Variants in ABCC1 observed in about 807,000 individuals in gnomAD.
The protein encoded by ABCC1 is multidrug resistance-associated protein 1.
In ABCC1, 83 loss-of-function variants were observed where a neutral mutation model predicts 172.9. The observed-to-expected ratio is 0.48, with a 90% CI of 0.40 to 0.58. The LOEUF is 0.58. Ranked by LOEUF, ABCC1 falls within the 20% of genes least tolerant of loss-of-function variation. The probability of loss-of-function intolerance (pLI) is 0.00; values close to 1 mark genes in which losing one functional copy is unlikely to be tolerated. For missense variants in ABCC1, 1,817 were observed against 2,002.7 expected, an observed-to-expected ratio of 0.91 and a Z score of 1.77; for synonymous variants, 937 against 825.2, an observed-to-expected ratio of 1.14 and a Z score of -2.32.
chr16:16,022,938 G>A (rs1192394061), intron 5 of ABCC1, among the ~76,000 whole-genome samples: 1 of 152,074 alleles, frequency 6.6e-6, no homozygotes, highest in Non-Finnish European at 1.5e-5. Flanking sequence ...TTGAGATAGG[G>A]TCTCACTCTG....
At chr16:16,016,767 T>G in intron 5 of ABCC1, 146 bp downstream of exon 5, 1 of 1,259,830 alleles carries the variant, frequency 7.9e-7, no homozygotes, top group Non-Finnish European at 1.1e-6. Context: ...CCCACCTACT[T>G]TACAGATGGA....
At chr16:16,128,352 T>C (rs2045530755) in intron 26 of ABCC1, among the ~76,000 whole-genome samples, 1 of 151,860 alleles carries the variant, frequency 6.6e-6, no homozygotes, top group African/African-American at 2.4e-5. Context: ...GATTTCACCA[T>C]GTTGGCCCGG....
At chr16:16,126,438 C>T (rs1306754881) in intron 26 of ABCC1, among the ~76,000 whole-genome samples, 1 of 152,182 alleles carries the variant, frequency 6.6e-6, no homozygotes, top group Non-Finnish European at 1.5e-5. Context: ...GGCTGGAGTG[C>T]AGTGGCACAA....
Position 16,138,512 on chromosome 16 carries a change from GTCCTCA to G in ABCC1, c.4442_4447del (p.Val1481_Thr1483delinsAla). ...CCGGACACAGTTCGAGGACTGCACC[GTCCTCA>G]CCATCGCCCACCGGCTCAACACCAT... On this transcript the variant is annotated inframe_deletion, in exon 30 of 31. Coordinates refer to ENST00000399410, the MANE Select transcript of ABCC1 (RefSeq NM_004996.4). 1 of 1,588,182 alleles carries G rather than the reference GTCCTCA, an allele frequency of 6.3e-7. No individual in the cohort carries two copies. The highest frequency in any genetic ancestry group is 2.3e-5 in the East Asian group (1 of 43,576).
intron 30 of ABCC1, among the ~76,000 whole-genome samples, chr16:16,138,884 A>T (rs1055623911): frequency 2.6e-5 from 4 of 151,822 alleles, no homozygotes; most frequent in Non-Finnish European, 5.9e-5. Context: ...TAACTTTTAT[A>T]TTTTTAGTAG....
chr16:16,089,228 G>T (rs1043823346), intron 18 of ABCC1, among the ~76,000 whole-genome samples: 2 of 152,154 alleles, frequency 1.3e-5, no homozygotes, highest in Non-Finnish European at 2.9e-5. Flanking sequence ...GGGGGTGGCT[G>T]ACAGCGGGAG....
At chr16:16,055,577 A>G (rs2049614702) in intron 11 of ABCC1, among the ~76,000 whole-genome samples, 2 of 151,936 alleles carry the variant, frequency 1.3e-5, no homozygotes, top group South Asian at 4.1e-4. Flanking sequence ...ATACGAAAAC[A>G]GAGAAGAAAA....
chr16:16,046,387 C>T (rs537498693), intron 9 of ABCC1, among the ~76,000 whole-genome samples: 1 of 152,054 alleles, frequency 6.6e-6, no homozygotes, highest in African/African-American at 2.4e-5. Context: ...CTCTCTCCCC[C>T]AGACTGGAGT....
At position 16,045,929 on chromosome 16, in the gene ABCC1, C is replaced by T; in HGVS notation, c.1134C>T (p.Thr378=). Residue 378 remains threonine (T), a synonymous_variant, in exon 9 of 31, where the codon ACC becomes ACT. Transcript: ENST00000399410. ...TGTTTGTCACTGCCTGCCTGCAGAC[C>T]CTCGTGCTGCACCAGTACTTCCACA... ...VLLFVTACLQ[T]LVLHQYFHIC... is the part of the protein sequence containing the mutation. 1 of 1,614,160 alleles carries T rather than the reference C, an allele frequency of 6.2e-7. No homozygotes were observed. Among genetic ancestry groups the T allele is most frequent in the South Asian group, 1.1e-5 (1 of 91,074 alleles).
At chr16:16,066,980 G>T (rs1438680032) in intron 12 of ABCC1, among the ~76,000 whole-genome samples, 1 of 152,116 alleles carries the variant, frequency 6.6e-6, no homozygotes, top group Non-Finnish European at 1.5e-5. Flanking sequence ...GATGGGTGCA[G>T]TGGCTCATGT....
In ABCC1 at chr16:16,134,440, A is replaced by G. The variant is rs750907095; in HGVS notation, c.4057A>G (p.Ile1353Val). 5.0e-6 allele frequency: 8 copies of G among 1,614,154 alleles called. No homozygotes were observed. Among genetic ancestry groups the G allele is most frequent in the Non-Finnish European group, 6.8e-6 (8 of 1,180,030 alleles). ...CGAGTCTGCCGAAGGAGAGATCATC[A>G]TCGATGGCATCAACATCGCCAAGAT... ...INESAEGEII[I>V]DGINIAKIGL... The change falls in exon 28 of 31, where the codon ATC (isoleucine) becomes GTC (valine). Residue 1353 changes from isoleucine to valine, a missense_variant. Around this residue, in one of 3 missense-constraint regions of ABCC1, gnomAD observed 1,412 missense variants for 1,600.3 expected, o/e 0.88. Coordinates refer to ENST00000399410, the MANE Select transcript of ABCC1 (RefSeq NM_004996.4).
intron 17 of ABCC1, among the ~76,000 whole-genome samples, chr16:16,084,797 T>TTA (rs1411720095): frequency 6.6e-6 from 1 of 152,174 alleles, no homozygotes; most frequent in Admixed American, 6.5e-5. Context: ...ATTTCTGTAT[T>TTA]TTTAGTAGAG....
In ABCC1 at chr16:15,966,775, C is replaced by T. The variant is rs144272921; in HGVS notation, c.48+16976C>T. Among the ~76,000 whole-genome samples the T allele has an allele frequency of 5.2e-3, 785 of 151,890 alleles. 9 individuals carry two copies. Among genetic ancestry groups the T allele is most frequent in the African/African-American group, 0.017 (719 of 41,394 alleles). ...AAGCGATCTTCCTGCCTTACCCTCC[C>T]GAGTGTCTTGGATTATAGATGCTTG... is the stretch of plus-strand genomic sequence containing the variant. On this transcript the variant is annotated intron_variant, in intron 1 of 30. Transcript: ENST00000399410.
intron 21 of ABCC1, among the ~76,000 whole-genome samples, chr16:16,108,746 C>T (rs541681650): frequency 3.4e-4 from 52 of 152,018 alleles, no homozygotes; most frequent in East Asian, 9.7e-4. Flanking sequence ...CATGTGTGCA[C>T]CCCCACGCTT....
intron 1 of ABCC1, among the ~76,000 whole-genome samples, chr16:15,968,226 G>T (rs1005708262): frequency 1.5e-4 from 23 of 151,978 alleles, no homozygotes; most frequent in African/African-American, 5.6e-4. Context: ...GTAGAGACAG[G>T]GTTTGCTGTG....
chr16:16,076,232 TG>T, intron 14 of ABCC1, 93 bp from the exon 15 acceptor site: 1 of 1,244,638 alleles, frequency 8.0e-7, no homozygotes, highest in Non-Finnish European at 1.1e-6. Flanking sequence ...GCCAAGCGTC[TG>T]GGGTTGAACC....
At chr16:15,979,218 G>T (rs537527450) in intron 1 of ABCC1, among the ~76,000 whole-genome samples, 39 of 152,154 alleles carry the variant, frequency 2.6e-4, no homozygotes, top group South Asian at 1.7e-3. Context: ...TTTAACCTGG[G>T]AGGCGGAGGT....
Position 16,071,748 on chromosome 16 carries a change from C to T in ABCC1, c.1912+19C>T. On this transcript the variant is annotated intron_variant, in intron 14 of 30. Transcript: ENST00000399410. ...AAAGACGGTGTGTGTGTGTTCAGTCCTGGCTTCTGGAAGTGGCCGCCTTCC... is the reference window on the plus strand; with the variant it reads ...AAAGACGGTGTGTGTGTGTTCAGTCTTGGCTTCTGGAAGTGGCCGCCTTCC... 6.2e-7 allele frequency: 1 copy of T among 1,607,778 alleles called. No individual in the cohort carries two copies.
intron 1 of ABCC1, among the ~76,000 whole-genome samples, chr16:15,981,918 C>T (rs1253461876): frequency 6.6e-6 from 1 of 152,206 alleles, no homozygotes; most frequent in East Asian, 1.9e-4. Context: ...TAAATCATCT[C>T]TCTCAAGTTC....
Sources: allele counts gnomAD v4.1 joint callset (sites outside exome capture counted in the v4.1 genomes callset), GRCh38; gene constraint gnomAD v4.1.1; regional missense constraint gnomAD v4.1.1; transcripts MANE v1.5; gene names NCBI Gene and HGNC (gene_info 2026-07-23, HGNC 2026-07-21).